PTK2: variants seen among roughly 807,000 people sequenced by gnomAD.
PTK2 encodes the protein focal adhesion kinase 1.
A neutral mutation model predicts 150.1 loss-of-function variants in PTK2; 45 were observed. That is an observed-to-expected ratio of 0.30 (90% CI 0.24 to 0.38). PTK2 has a LOEUF of 0.38. Ranked by LOEUF, PTK2 falls within the 10% of genes least tolerant of loss-of-function variation. The pLI, the probability that PTK2 is intolerant of heterozygous loss-of-function variation, is 1.00. For synonymous variants in PTK2, 432 were observed against 449.2 expected (o/e 0.96, Z 0.48); for missense variants, 919 against 1,307.3 (o/e 0.70, Z 4.58).
At chr8:140,818,119 G>T (rs2100105841) in intron 10 of PTK2, among the ~76,000 whole-genome samples, 158 bp downstream of exon 10, 1 of 152,160 alleles carries the variant, frequency 6.6e-6, no homozygotes, top group Admixed American at 6.5e-5. Flanking sequence ...ACAGCACCTA[G>T]ACTTTCTCTT....
intron 2 of PTK2, among the ~76,000 whole-genome samples, chr8:140,893,644 A>G (rs1601169634): frequency 6.6e-6 from 1 of 152,156 alleles, no homozygotes; most frequent in Non-Finnish European, 1.5e-5. Context: ...CAGAGTTGGG[A>G]AGGACTGCTA....
At chr8:140,935,019 T>G (rs764726135) in intron 1 of PTK2, among the ~76,000 whole-genome samples, 2 of 152,202 alleles carry the variant, frequency 1.3e-5, no homozygotes, top group Non-Finnish European at 1.5e-5. Context: ...AAGTGACACA[T>G]GATCTTAAGT....
At chr8:140,664,821 C>G in intron 31 of PTK2, 96 bp downstream of exon 35, 1 of 1,240,038 alleles carries the variant, frequency 8.1e-7, no homozygotes, top group South Asian at 1.3e-5. Flanking sequence ...CTGCTGGCCA[C>G]AGACTGAGGA....
At chr8:140,660,728 G>A (rs1438055504) in intron 31 of PTK2, 2 of 418,646 alleles carry the variant, frequency 4.8e-6, no homozygotes, top group Non-Finnish European at 9.7e-6. Context: ...CATTATGTAC[G>A]CCCCTCCCCC....
intron 2 of PTK2, among the ~76,000 whole-genome samples, chr8:140,917,923 C>T (rs1337960714): frequency 6.6e-6 from 1 of 152,204 alleles, no homozygotes; most frequent in Admixed American, 6.5e-5. Flanking sequence ...GAGATTCCCA[C>T]AGTAATTTTT....
chr8:140,662,210 T>C (rs1413361746), intron 31 of PTK2, among the ~76,000 whole-genome samples: 1 of 151,766 alleles, frequency 6.6e-6, no homozygotes, highest in Non-Finnish European at 1.5e-5. Flanking sequence ...GGCAGGAAGA[T>C]CACTTGAGCT....
intron 23 of PTK2, among the ~76,000 whole-genome samples, chr8:140,710,405 G>A (rs1011665891): frequency 6.6e-5 from 10 of 151,676 alleles, no homozygotes; most frequent in South Asian, 4.2e-4. Flanking sequence ...AAGATGGGCC[G>A]GGCGTGATGG....
At position 140,696,400 on chromosome 8, in the gene PTK2, G is replaced by A. The variant is rs150212391; in HGVS notation, c.2499+4491C>T. Among the ~76,000 whole-genome samples the A allele has an allele frequency of 3.4e-3, 516 of 152,330 alleles. 5 individuals are homozygous for A. Among genetic ancestry groups the A allele is most frequent in the Middle Eastern group, 0.02 (6 of 294 alleles). On this transcript the variant is annotated intron_variant, in intron 26 of 31. Coordinates refer to ENST00000522684, the Ensembl canonical transcript of PTK2. ...GGGGGTTGGGGGAGAGAACGCAGTA[G>A]TGCACATCATAATAAAATAAGTTAA... is the stretch of plus-strand genomic sequence containing the variant.
intron 27 of PTK2, among the ~76,000 whole-genome samples, chr8:140,684,498 A>G (rs1313506954): frequency 6.6e-6 from 1 of 152,240 alleles, no homozygotes; most frequent in African/African-American, 2.4e-5. Flanking sequence ...CTCCTGTGAT[A>G]AACAACTTCA....
chr8:140,765,571 T>G (rs917992831), intron 14 of PTK2, among the ~76,000 whole-genome samples: 3 of 152,208 alleles, frequency 2.0e-5, no homozygotes, highest in African/African-American at 7.2e-5. Context: ...AAGTCCTATA[T>G]GACAGGCAGA....
intron 27 of PTK2, among the ~76,000 whole-genome samples, chr8:140,684,842 T>C (rs2100018941): frequency 6.6e-6 from 1 of 152,190 alleles, no homozygotes; most frequent in South Asian, 2.1e-4. Context: ...AGATTCAATG[T>C]TGTACCTATC....
chr8:140,812,519 G>C (rs933777787), intron 10 of PTK2, among the ~76,000 whole-genome samples: 4 of 152,130 alleles, frequency 2.6e-5, no homozygotes, highest in African/African-American at 9.7e-5. Flanking sequence ...ATGATGGCAG[G>C]ATCAAATCCA....
chr8:140,731,641 T>C (rs1181238556), intron 22 of PTK2, among the ~76,000 whole-genome samples: 4 of 152,152 alleles, frequency 2.6e-5, no homozygotes, highest in African/African-American at 9.7e-5. Context: ...ATGCCTGTAA[T>C]CTCAGTACTT....
intron 5 of PTK2, among the ~76,000 whole-genome samples, chr8:140,855,130 C>T (rs973360496): frequency 6.6e-6 from 1 of 152,098 alleles, no homozygotes; most frequent in African/African-American, 2.4e-5. Context: ...AGATTCCAGG[C>T]ATGAGCCACT....
intron 14 of PTK2, among the ~76,000 whole-genome samples, chr8:140,788,090 C>G (rs758953479): frequency 1.1e-4 from 17 of 152,170 alleles, no homozygotes; most frequent in African/African-American, 2.9e-4. Context: ...GTTTACTGCC[C>G]CAGTGTCACT....
chr8:140,958,504 T>C (rs1331951786), intron 1 of PTK2, among the ~76,000 whole-genome samples: 1 of 152,192 alleles, frequency 6.6e-6, no homozygotes, highest in East Asian at 1.9e-4. Flanking sequence ...TCGATTTTTC[T>C]TTTATGGTTG....
At chr8:140,871,492 C>A (rs1479819802) in intron 4 of PTK2, among the ~76,000 whole-genome samples, 1 of 152,100 alleles carries the variant, frequency 6.6e-6, no homozygotes, top group Non-Finnish European at 1.5e-5. Context: ...CAAAATAAAA[C>A]CTGAAATAAG....
chr8:140,886,350 T>C (rs867764445), intron 3 of PTK2, among the ~76,000 whole-genome samples: 2 of 152,098 alleles, frequency 1.3e-5, no homozygotes, highest in African/African-American at 4.8e-5. Flanking sequence ...GGACGAGGTA[T>C]GAAATGGTTG....
intron 27 of PTK2, among the ~76,000 whole-genome samples, chr8:140,684,227 G>A (rs1326726371): frequency 6.6e-6 from 1 of 152,206 alleles, no homozygotes; most frequent in African/African-American, 2.4e-5. Flanking sequence ...GGATGGGGTG[G>A]GGGATGGTTT....
Sources: gnomAD v4.1 joint callset for allele counts (sites outside exome capture counted in the v4.1 genomes callset) on GRCh38, gnomAD v4.1.1 for gene constraint, MANE v1.5 for transcripts, NCBI Gene and HGNC (gene_info 2026-07-23, HGNC 2026-07-21) for gene names.